ARMH4: variants seen among roughly 807,000 people sequenced by gnomAD.
ARMH4 encodes armadillo-like helical domain-containing protein 4.
In ARMH4, 49 loss-of-function variants were observed where a neutral mutation model predicts 61.9. The ratio of observed to expected loss-of-function variants is 0.79; its 90% CI spans 0.63 to 1.00. The LOEUF (loss-of-function observed/expected upper bound fraction) is 1.00. Ranked by LOEUF, ARMH4 falls within the 50% of genes least tolerant of loss-of-function variation. ARMH4 has a pLI of 0.00. For missense variants in ARMH4, 934 were observed against 930.0 expected, an observed-to-expected ratio of 1.00 and a Z score of -0.06; for synonymous variants, 368 against 341.5, an observed-to-expected ratio of 1.08 and a Z score of -0.85.
chr14:58,038,552 T>TAA (rs71448937), intron 5 of ARMH4, among the ~76,000 whole-genome samples: 92 of 136,968 alleles, frequency 6.7e-4, no homozygotes, highest in African/African-American at 1.1e-3. Context: ...TAAAGTATAA[T>TAA]AAAAAAAAAT....
At chr14:58,065,657 T>A (rs115051711) in intron 5 of ARMH4, among the ~76,000 whole-genome samples, 123 of 152,386 alleles carry the variant, frequency 8.1e-4, no homozygotes, top group African/African-American at 2.8e-3. Flanking sequence ...CACCACTTCC[T>A]ACTACTATGT....
chr14:58,096,076 C>G (rs1885737334), intron 5 of ARMH4, among the ~76,000 whole-genome samples: 1 of 152,120 alleles, frequency 6.6e-6, no homozygotes, highest in Admixed American at 6.5e-5. Flanking sequence ...CCTGCATCCT[C>G]CAAGTCTCTC....
chr14:58,129,692 T>C (rs897222088), intron 4 of ARMH4, among the ~76,000 whole-genome samples: 3 of 152,208 alleles, frequency 2.0e-5, no homozygotes, highest in African/African-American at 7.2e-5. Context: ...TCAATTCAGC[T>C]TTTGGAGGAC....
rs1882007959 is a variant in ARMH4 at position 58,002,186 on chromosome 14, T to C, written c.*2550A>G. 6.6e-6 allele frequency: 1 copy of C among 152,160 alleles called. No individual in the cohort carries two copies. Among genetic ancestry groups the C allele is most frequent in the African/African-American group, 2.4e-5 (1 of 41,428 alleles). 9.4% of individuals were successfully genotyped at this position (152,160 alleles called of 1,614,324 possible). On this transcript the variant is annotated 3_prime_UTR_variant, in exon 8 of 8. Transcript: ENST00000267485. Reference sequence around the variant, plus strand: ...CTAATCCCAGGTTTTGTTTAAAATATGACAACCTTTTCTGATCCTCTTAAT... The same window carrying C: ...CTAATCCCAGGTTTTGTTTAAAATACGACAACCTTTTCTGATCCTCTTAAT...
In ARMH4 at chr14:58,083,804, A is replaced by T. The variant is rs376030183; in HGVS notation, c.2089+12920T>A. On this transcript the variant is annotated intron_variant, in intron 5 of 7. Coordinates refer to ENST00000267485, the MANE Select transcript of ARMH4 (RefSeq NM_001001872.4). The stretch of plus-strand genomic sequence containing the variant: ...ACTGGAAAAAGTCAGTCTTGCATCC[A>T]TCTGTAAATTCATTTCAACAATTTT... Among the ~76,000 whole-genome samples the T allele has an allele frequency of 4.8e-4, 73 of 152,330 alleles. 1 individual carries two copies. In the South Asian group the frequency reaches 0.011, roughly 23 times the overall value.
chr14:58,133,454 C>A, intron 2 of ARMH4, 113 bp from the exon 3 acceptor site: 1 of 992,608 alleles, frequency 1.0e-6, no homozygotes, highest in Non-Finnish European at 1.5e-6. Context: ...ATTTCAGGAA[C>A]TGGGGAAGCA....
At chr14:58,132,858 T>C (rs948137334) in intron 3 of ARMH4, among the ~76,000 whole-genome samples, 1 of 152,132 alleles carries the variant, frequency 6.6e-6, no homozygotes, top group Non-Finnish European at 1.5e-5. Context: ...GTGCTGGGAT[T>C]ACAGGCGTGA....
intron 5 of ARMH4, among the ~76,000 whole-genome samples, chr14:58,076,064 A>G (rs1308153730): frequency 7.0e-6 from 1 of 141,858 alleles, no homozygotes; most frequent in Non-Finnish European, 1.5e-5. Context: ...AGAAGGAGGA[A>G]GAAGAAAGGA....
intron 5 of ARMH4, among the ~76,000 whole-genome samples, chr14:58,029,864 C>T (rs1883164875): frequency 6.6e-6 from 1 of 152,058 alleles, no homozygotes; most frequent in Non-Finnish European, 1.5e-5. Context: ...TATATACTCA[C>T]AAGAACCGAA....
At chr14:58,023,510 T>C (rs1882918160) in intron 5 of ARMH4, among the ~76,000 whole-genome samples, 1 of 152,190 alleles carries the variant, frequency 6.6e-6, no homozygotes, top group Non-Finnish European at 1.5e-5. Flanking sequence ...CATATGCAGT[T>C]ACCTCCTCCA....
rs553765576 is a variant in ARMH4 at position 58,009,422 on chromosome 14, G to A, written c.2121+2697C>T. ...ATCATGAGGTGACCTTGGGAATGAA[G>A]GTCACAAATGGTGGAGCATCACATA... On this transcript the variant is annotated intron_variant, in intron 6 of 7. Transcript: ENST00000267485. Among the ~76,000 whole-genome samples, 3 of 152,142 alleles carry A rather than the reference G, an allele frequency of 2.0e-5. No homozygotes were observed. The East Asian group carries it at 5.8e-4, about 29-fold the overall frequency.
At chr14:58,011,742 C>G (rs553305705) in intron 6 of ARMH4, among the ~76,000 whole-genome samples, 1 of 144,316 alleles carries the variant, frequency 6.9e-6, no homozygotes, top group South Asian at 2.2e-4. Flanking sequence ...TGATAAACTA[C>G]ACACCTAGAG....
intron 5 of ARMH4, among the ~76,000 whole-genome samples, chr14:58,042,756 A>C (rs1883772945): frequency 6.6e-6 from 1 of 152,178 alleles, no homozygotes; most frequent in Admixed American, 6.5e-5. Context: ...AAAATGATAA[A>C]GGGGGTATCA....
intron 4 of ARMH4, among the ~76,000 whole-genome samples, chr14:58,127,670 G>A (rs1886948254): frequency 6.6e-6 from 1 of 152,140 alleles, no homozygotes; most frequent in Non-Finnish European, 1.5e-5. Flanking sequence ...TTCCCCAGAT[G>A]AGGAACACTG....
At chr14:58,068,349 A>G (rs768764522) in intron 5 of ARMH4, among the ~76,000 whole-genome samples, 48 of 152,146 alleles carry the variant, frequency 3.2e-4, no homozygotes, top group Non-Finnish European at 6.0e-4. Context: ...GACTAGAGTA[A>G]TTGCCTACAC....
At chr14:58,117,524 T>A (rs1389317655) in intron 4 of ARMH4, among the ~76,000 whole-genome samples, 1 of 152,226 alleles carries the variant, frequency 6.6e-6, no homozygotes, top group Non-Finnish European at 1.5e-5. Context: ...TGTTTTATCA[T>A]ACTTACATGC....
intron 1 of ARMH4, among the ~76,000 whole-genome samples, chr14:58,142,374 G>A (rs1392140374): frequency 6.6e-6 from 1 of 152,158 alleles, no homozygotes; most frequent in Non-Finnish European, 1.5e-5. Flanking sequence ...AAGAAGAAAG[G>A]TAAAGTCCTC....
intron 5 of ARMH4, among the ~76,000 whole-genome samples, chr14:58,077,035 G>C (rs929781203): frequency 2.6e-5 from 4 of 152,142 alleles, no homozygotes; most frequent in Non-Finnish European, 5.9e-5. Context: ...GAACACCCCA[G>C]TGGGCCCTCC....
intron 4 of ARMH4, among the ~76,000 whole-genome samples, chr14:58,114,159 T>C (rs79156535): frequency 0.059 from 8,919 of 152,206 alleles, 854 homozygotes; most frequent in African/African-American, 0.2. Flanking sequence ...TATGGGACTC[T>C]ATTGGACATG....
Sources: gnomAD v4.1 joint callset for allele counts (sites outside exome capture counted in the v4.1 genomes callset) on GRCh38, gnomAD v4.1.1 for gene constraint, MANE v1.5 for transcripts, NCBI Gene and HGNC (gene_info 2026-07-23, HGNC 2026-07-21) for gene names.